CYFIP1: variants seen among roughly 807,000 people sequenced by gnomAD.
CYFIP1 encodes cytoplasmic FMR1-interacting protein 1.
Under a neutral mutation model 163.5 loss-of-function variants are expected in CYFIP1, and 58 were observed. The ratio of observed to expected loss-of-function variants is 0.35; its 90% CI spans 0.29 to 0.44. The LOEUF is 0.44. Ranked by LOEUF, CYFIP1 falls within the 20% of genes least tolerant of loss-of-function variation. The probability of loss-of-function intolerance (pLI) is 1.00; values close to 1 mark genes in which losing one functional copy is unlikely to be tolerated. For synonymous variants in CYFIP1, 663 were observed against 660.7 expected, an observed-to-expected ratio of 1.00 and a Z score of -0.05; for missense variants, 1,338 against 1,653.8, an observed-to-expected ratio of 0.81 and a Z score of 3.31.
At position 22,914,865 on chromosome 15, in the gene CYFIP1, A is replaced by G; in HGVS notation, c.1846T>C (p.Cys616Arg). The G allele has an allele frequency of 3.7e-6, 6 of 1,611,918 alleles. No individual in the cohort carries two copies. The highest frequency in any genetic ancestry group is 4.2e-6 in the Non-Finnish European group (5 of 1,179,188). The change falls in exon 17 of 31, where the codon TGT becomes CGT. Residue 616 changes from cysteine (C) to arginine (R), a missense_variant. Cys to Arg is a radical substitution (Grantham distance 180). This residue lies in a region of CYFIP1 where 824 missense variants were observed against 995.7 expected (regional missense o/e 0.83). Transcript: ENST00000617928. ...CGGAACCACAGCTGCGAAAGGTCACAGCACTGCTGCAGCGTTTCTGGGAGG... is the reference window on the plus strand; with the variant it reads ...CGGAACCACAGCTGCGAAAGGTCACGGCACTGCTGCAGCGTTTCTGGGAGG... Reference protein sequence around the residue: ...INFSETLQQCCDLSQLWFREF... With the variant: ...INFSETLQQCRDLSQLWFREF...
chr15:22,930,479 C>T (rs952186900), intron 11 of CYFIP1, among the ~76,000 whole-genome samples: 1 of 151,424 alleles, frequency 6.6e-6, no homozygotes, highest in African/African-American at 2.4e-5. Flanking sequence ...AGTCAGATGC[C>T]ACCTAAGGAT....
At chr15:22,900,256 C>A (rs1364751444) in intron 22 of CYFIP1, among the ~76,000 whole-genome samples, 3 of 152,060 alleles carry the variant, frequency 2.0e-5, no homozygotes. Context: ...TGGAGTGATG[C>A]CACTGCAAGC....
chr15:22,912,928 T>C (rs1216996846), intron 17 of CYFIP1, among the ~76,000 whole-genome samples: 4 of 149,786 alleles, frequency 2.7e-5, no homozygotes, highest in African/African-American at 9.9e-5. Context: ...CCAAAAAAAA[T>C]GATAGAGAAT....
intron 21 of CYFIP1, among the ~76,000 whole-genome samples, chr15:22,908,448 C>T (rs961921586): frequency 1.3e-5 from 2 of 148,434 alleles, no homozygotes; most frequent in African/African-American, 2.5e-5. Flanking sequence ...GACAGCCAAG[C>T]GAAATGTAGG....
Position 22,879,946 on chromosome 15 carries a change from G to A in CYFIP1, c.3009C>T (p.Ala1003=), listed in dbSNP as rs754341157. The change falls in exon 26 of 31, where the codon GCC becomes GCT. Residue 1003 remains alanine (A), a synonymous_variant. Coordinates refer to ENST00000617928, the MANE Select transcript of CYFIP1 (RefSeq NM_014608.6). ...GCTCGATGAGCAGGCAGAAGAGGATGGCGTTCCCCACCTCCCGCAGGTTCT... is the reference window on the plus strand; with the variant it reads ...GCTCGATGAGCAGGCAGAAGAGGATAGCGTTCCCCACCTCCCGCAGGTTCT... ...CFQNLREVGN[A]ILFCLLIEQS... is the part of the protein sequence containing the mutation. 4.3e-6 allele frequency: 7 copies of A among 1,613,514 alleles called. No homozygotes were observed. The highest frequency in any genetic ancestry group is 3.3e-5 in the Admixed American group (2 of 60,024).
rs911952488 is a variant in CYFIP1 at position 22,904,203 on chromosome 15, C to T, written c.2389-298G>A. ...TGGCCTGCTACTGCCACCCTTCCCCCCATGTGCCCGCTGAGCCCCGGCCCT... is the reference window on the plus strand; with the variant it reads ...TGGCCTGCTACTGCCACCCTTCCCCTCATGTGCCCGCTGAGCCCCGGCCCT... On this transcript the variant is annotated intron_variant, in intron 21 of 30. Transcript: ENST00000617928. 6.2e-6 allele frequency: 3 copies of T among 481,654 alleles called. No individual in the cohort carries two copies. The South Asian group carries it at 6.6e-5, about 11-fold the overall frequency. 29.8% of individuals were successfully genotyped at this position (481,654 alleles called of 1,614,324 possible).
chr15:22,909,581 G>A (rs2060711568), intron 20 of CYFIP1, among the ~76,000 whole-genome samples: 1 of 152,122 alleles, frequency 6.6e-6, no homozygotes, highest in Admixed American at 6.6e-5. Flanking sequence ...ATAAAAATAT[G>A]ACAAAGCCCT....
intron 23 of CYFIP1, among the ~76,000 whole-genome samples, chr15:22,887,969 C>CT (rs2059972938): frequency 6.6e-6 from 1 of 152,162 alleles, no homozygotes; most frequent in Non-Finnish European, 1.5e-5. Context: ...GGTGCTCTAA[C>CT]TTTCACGACA....
At chr15:22,908,279 C>T (rs561155750) in intron 21 of CYFIP1, among the ~76,000 whole-genome samples, 32 of 152,204 alleles carry the variant, frequency 2.1e-4, no homozygotes, top group African/African-American at 7.7e-4. Flanking sequence ...AAGGAAGCGG[C>T]TTGCCTCTGT....
At chr15:22,944,744 C>T (rs2062000895) in intron 4 of CYFIP1, 85 bp from the exon 5 acceptor site, 1 of 1,519,958 alleles carries the variant, frequency 6.6e-7, no homozygotes, top group Non-Finnish European at 9.1e-7. Context: ...GTGATCCCGC[C>T]CTGCTGTGGG....
chr15:22,928,525 G>A (rs979067149), intron 11 of CYFIP1, among the ~76,000 whole-genome samples: 3 of 152,224 alleles, frequency 2.0e-5, no homozygotes, highest in Non-Finnish European at 4.4e-5. Context: ...CAAGGGACAG[G>A]CCGCTGCCAC....
At chr15:22,889,612 G>T (rs749293435) in intron 23 of CYFIP1, among the ~76,000 whole-genome samples, 4 of 152,084 alleles carry the variant, frequency 2.6e-5, no homozygotes, top group African/African-American at 9.7e-5. Flanking sequence ...ACGGCCCCAC[G>T]CAGTCGGGTC....
chr15:22,878,014 C>T (rs533197433), intron 26 of CYFIP1, among the ~76,000 whole-genome samples: 5 of 152,226 alleles, frequency 3.3e-5, no homozygotes, highest in Non-Finnish European at 7.3e-5. Flanking sequence ...GAGCTGTGTA[C>T]AGACCACCCT....
At position 22,873,710 on chromosome 15, in the gene CYFIP1, T is replaced by C; in HGVS notation, c.3230A>G (p.Glu1077Gly). 1 of 1,612,784 alleles carries C rather than the reference T, an allele frequency of 6.2e-7. No individual in the cohort carries two copies. The highest frequency in any genetic ancestry group is 8.5e-7 in the Non-Finnish European group (1 of 1,178,898). ...GCGCTCCTTTGTCAGCAGGTCCCCC[T>C]CTCTTGCGATGGCAATTTGCTGCAG... is the stretch of plus-strand genomic sequence containing the variant. ...GTPQQIAIAR[E>G]GDLLTKERLC... The change falls in exon 29 of 31, where the codon GAG becomes GGG. Residue 1077 changes from glutamate to glycine, a missense_variant. By Grantham distance (98) the Glu-to-Gly change is moderately conservative (BLOSUM62 -2). Around this residue, in one of 4 missense-constraint regions of CYFIP1, gnomAD observed 306 missense variants for 322.1 expected, o/e 0.95. Coordinates refer to ENST00000617928, the MANE Select transcript of CYFIP1 (RefSeq NM_014608.6).
At chr15:22,943,462 G>T (rs1181971730) in intron 5 of CYFIP1, 108 bp from the exon 6 acceptor site, 3 of 1,212,664 alleles carry the variant, frequency 2.5e-6, no homozygotes, top group Non-Finnish European at 3.5e-6. Flanking sequence ...GAAACGATCT[G>T]CCCAGTGAGG....
chr15:22,893,590 A>AGCACTTGATTAACTCATATTCCAC (rs1389640052), intron 22 of CYFIP1, among the ~76,000 whole-genome samples: 1 of 152,212 alleles, frequency 6.6e-6, no homozygotes, highest in African/African-American at 2.4e-5. Context: ...TGTAATTCCA[A>AGCACTTGATTAACTCATATTCCAC]GCACTTGATT....
Position 22,939,281 on chromosome 15 carries a change from C to G in CYFIP1, c.706G>C (p.Glu236Gln). The change falls in exon 8 of 31, where the codon GAG becomes CAG. Residue 236 changes from glutamate to glutamine, a missense_variant. Around this residue, in one of 4 missense-constraint regions of CYFIP1, gnomAD observed 824 missense variants for 995.7 expected, o/e 0.83. Coordinates refer to ENST00000617928, the MANE Select transcript of CYFIP1 (RefSeq NM_014608.6). ...QQLEVISGYE[E>Q]LLADIVNLCV... is the part of the protein sequence containing the mutation. ...AGATTCACAATATCTGCCAGGAGCTCTTCGTAGCCAGAAATCACTTCGAGC... is the reference window on the plus strand; with the variant it reads ...AGATTCACAATATCTGCCAGGAGCTGTTCGTAGCCAGAAATCACTTCGAGC... 6.2e-7 allele frequency: 1 copy of G among 1,614,168 alleles called. No individual in the cohort carries two copies.
chr15:22,914,643 C>T, intron 17 of CYFIP1, 83 bp downstream of exon 17: 2 of 1,379,252 alleles, frequency 1.5e-6, no homozygotes, highest in East Asian at 2.5e-5. Context: ...ATACTAAAAA[C>T]AGTCCCGGCC....
intron 26 of CYFIP1, among the ~76,000 whole-genome samples, chr15:22,879,131 G>A (rs1213649738): frequency 1.9e-4 from 22 of 113,726 alleles, no homozygotes; most frequent in Non-Finnish European, 2.3e-4. Flanking sequence ...GCAAGACTCC[G>A]TCTCAAAAAA....
Sources: allele counts gnomAD v4.1 joint callset (sites outside exome capture counted in the v4.1 genomes callset), GRCh38; gene constraint gnomAD v4.1.1; regional missense constraint gnomAD v4.1.1; transcripts MANE v1.5; gene names NCBI Gene and HGNC (gene_info 2026-07-23, HGNC 2026-07-21).